The following DOCK1 variants were observed in gnomAD, a reference collection of about 807,000 sequenced individuals.
DOCK1 encodes the protein dedicator of cytokinesis protein 1.
Under a neutral mutation model 262.7 loss-of-function variants are expected in DOCK1, and 138 were observed. The observed-to-expected ratio is 0.53, with a 90% confidence interval of 0.46 to 0.61. The LOEUF (loss-of-function observed/expected upper bound fraction) is 0.61. Among genes scored for constraint, DOCK1 ranks in the 20% least tolerant of loss-of-function variants. The probability of loss-of-function intolerance (pLI) is 0.00; values close to 1 mark genes in which losing one functional copy is unlikely to be tolerated. For synonymous variants in DOCK1, 866 were observed against 867.4 expected (o/e 1.00, Z 0.03); for missense variants, 1,908 against 2,370.7 (o/e 0.80, Z 4.05).
intron 1 of DOCK1, among the ~76,000 whole-genome samples, chr10:126,964,081 G>A (rs2037481045): frequency 6.6e-6 from 1 of 152,200 alleles, no homozygotes; most frequent in Non-Finnish European, 1.5e-5. Context: ...AGTACAGTGG[G>A]TAATGTTGGG....
At chr10:127,048,187 C>T (rs570011358) in intron 21 of DOCK1, among the ~76,000 whole-genome samples, 166 of 152,292 alleles carry the variant, frequency 1.1e-3, no homozygotes, top group African/African-American at 3.8e-3. Context: ...TAGTGTCTGA[C>T]TTTGTAGCTA....
intron 32 of DOCK1, 100 bp downstream of exon 32, chr10:127,354,827 A>C: frequency 7.0e-7 from 1 of 1,427,878 alleles, no homozygotes; most frequent in Non-Finnish European, 9.8e-7. Flanking sequence ...TAAGATCTTA[A>C]TGGCTTCTGT....
intron 23 of DOCK1, among the ~76,000 whole-genome samples, chr10:127,064,343 CT>C (rs1317779835): frequency 6.6e-6 from 1 of 152,180 alleles, no homozygotes; most frequent in Non-Finnish European, 1.5e-5. Context: ...CTGGCATCAA[CT>C]TTGCGGATTA....
chr10:127,108,345 T>A (rs561360342), intron 24 of DOCK1, among the ~76,000 whole-genome samples: 1 of 152,198 alleles, frequency 6.6e-6, no homozygotes. Flanking sequence ...CCCAGCACTT[T>A]GGGAGGCCGA....
intron 1 of DOCK1, among the ~76,000 whole-genome samples, chr10:126,909,743 A>T (rs2031486760): frequency 6.6e-6 from 1 of 152,206 alleles, no homozygotes; most frequent in Non-Finnish European, 1.5e-5. Flanking sequence ...CGCTGAGATG[A>T]TGTTGGCAGA....
intron 27 of DOCK1, among the ~76,000 whole-genome samples, chr10:127,232,899 A>G (rs888852285): frequency 6.6e-6 from 1 of 152,198 alleles, no homozygotes; most frequent in Admixed American, 6.5e-5. Flanking sequence ...CTCCCACTGC[A>G]TGCTGTTAAG....
rs1197062499 is a variant in DOCK1 at position 127,444,052 on chromosome 10, A to G, written c.5260-74A>G. ...AGGTAATGGGGGTCAGGACTTCAAC[A>G]TAGGAATTTAGGTGGAAACGCAACT... On this transcript the variant is annotated intron_variant, in intron 49 of 51. Coordinates refer to ENST00000623213, the MANE Select transcript of DOCK1 (RefSeq NM_001290223.2). The G allele has an allele frequency of 2.0e-6, 3 of 1,533,294 alleles. 1 individual carries two copies. In the South Asian group the frequency reaches 3.6e-5, roughly 18 times the overall value. 95.0% of individuals were successfully genotyped at this position (1,533,294 alleles called of 1,614,324 possible). A position where few individuals can be genotyped will look rare whatever the true frequency, so the allele number is the denominator to read the frequency against.
intron 1 of DOCK1, among the ~76,000 whole-genome samples, chr10:126,918,546 G>A (rs1400616777): frequency 6.6e-6 from 1 of 152,204 alleles, no homozygotes; most frequent in Non-Finnish European, 1.5e-5. Context: ...GTACCTTGCT[G>A]GATACTTAGC....
chr10:127,122,820 G>A (rs1324917725), intron 25 of DOCK1, among the ~76,000 whole-genome samples: 1 of 152,194 alleles, frequency 6.6e-6, no homozygotes, highest in African/African-American at 2.4e-5. Flanking sequence ...ACCAAAGATG[G>A]TTGATAGCAT....
chr10:127,247,939 G>C, intron 27 of DOCK1, 69 bp from the exon 28 acceptor site: 1 of 1,473,992 alleles, frequency 6.8e-7, no homozygotes, highest in Admixed American at 1.8e-5. Flanking sequence ...CCAGAATCTG[G>C]GATGATTTCG....
At chr10:127,223,326 T>C (rs2058512116) in intron 27 of DOCK1, among the ~76,000 whole-genome samples, 1 of 152,238 alleles carries the variant, frequency 6.6e-6, no homozygotes, top group African/African-American at 2.4e-5. Flanking sequence ...CTATTTTTCC[T>C]ATCAAAATTA....
chr10:127,442,018 G>A (rs1017641941), intron 49 of DOCK1, among the ~76,000 whole-genome samples: 4 of 152,084 alleles, frequency 2.6e-5, no homozygotes, highest in South Asian at 4.2e-4. Context: ...AGAGCCCAGC[G>A]CTTCACCCGG....
intron 23 of DOCK1, among the ~76,000 whole-genome samples, chr10:127,064,733 T>C (rs1453381046): frequency 6.6e-6 from 1 of 152,226 alleles, no homozygotes; most frequent in African/African-American, 2.4e-5. Context: ...CAAATACTTT[T>C]TGAAAACATA....
At chr10:126,921,968 T>C (rs1015809237) in intron 1 of DOCK1, among the ~76,000 whole-genome samples, 1 of 151,880 alleles carries the variant, frequency 6.6e-6, no homozygotes, top group Admixed American at 6.6e-5. Context: ...CCCCAAAACC[T>C]TGGGAGGCCT....
intron 27 of DOCK1, among the ~76,000 whole-genome samples, chr10:127,157,044 C>T (rs554633445): frequency 1.3e-5 from 2 of 152,334 alleles, no homozygotes; most frequent in African/African-American, 2.4e-5. Flanking sequence ...TCCTTGTCCT[C>T]ACAAAGCTCA....
Position 127,320,687 on chromosome 10 carries a change from C to G in DOCK1, c.3045-18319C>G, listed in dbSNP as rs76853150. Reference sequence around the variant, plus strand: ...CAATGGTAGTAAGGTGGCAGATCCTCAGTTTAAAATCTGGCCACGATGCCA... The same window carrying G: ...CAATGGTAGTAAGGTGGCAGATCCTGAGTTTAAAATCTGGCCACGATGCCA... On this transcript the variant is annotated intron_variant, in intron 29 of 51. Transcript: ENST00000623213. Among the ~76,000 whole-genome samples the G allele has an allele frequency of 5.0e-3, 768 of 152,298 alleles. 13 individuals are homozygous for G. The East Asian group carries it at 0.053, about 10-fold the overall frequency.
intron 1 of DOCK1, among the ~76,000 whole-genome samples, chr10:126,927,770 C>A (rs1216043119): frequency 6.6e-6 from 1 of 152,158 alleles, no homozygotes; most frequent in South Asian, 2.1e-4. Context: ...ATTCAGTAGA[C>A]GCGTAGTCAG....
intron 23 of DOCK1, among the ~76,000 whole-genome samples, chr10:127,105,013 G>A (rs983070439): frequency 6.6e-6 from 1 of 152,168 alleles, no homozygotes. Context: ...TGTGGGAGGG[G>A]ACCTGTGGGA....
chr10:127,011,537 A>C (rs1005696262), intron 11 of DOCK1, among the ~76,000 whole-genome samples: 1 of 152,068 alleles, frequency 6.6e-6, no homozygotes, highest in Non-Finnish European at 1.5e-5. Context: ...TGGTATTTCT[A>C]TTTGGGCATA....
Sources: gnomAD v4.1 joint callset for allele counts (sites outside exome capture counted in the v4.1 genomes callset) on GRCh38, gnomAD v4.1.1 for gene constraint, MANE v1.5 for transcripts, NCBI Gene and HGNC (gene_info 2026-07-23, HGNC 2026-07-21) for gene names.